Variants in AKAP13 observed in about 807,000 individuals in gnomAD.
AKAP13 encodes A-kinase anchoring protein 13, also known as A-kinase anchor protein 13.
AKAP13 carries 80 observed loss-of-function variants against 264.5 expected under a neutral mutation model. The observed-to-expected ratio is 0.30, with a 90% CI of 0.25 to 0.36. The LOEUF (loss-of-function observed/expected upper bound fraction) is 0.36, where lower values mean the gene tolerates loss of function less well. Among genes scored for constraint, AKAP13 ranks in the 10% least tolerant of loss-of-function variants. AKAP13 has a pLI of 1.00. For missense variants in AKAP13, 3,712 were observed against 3,435.2 expected (o/e 1.08, Z -2.01); for synonymous variants, 1,380 against 1,250.2 (o/e 1.10, Z -2.19).
At chr15:85,707,422 C>G (rs1214371974) in intron 17 of AKAP13, among the ~76,000 whole-genome samples, 1 of 152,170 alleles carries the variant, frequency 6.6e-6, no homozygotes, top group African/African-American at 2.4e-5. Flanking sequence ...TGTGGGGGTT[C>G]CAGTGACCTT....
intron 7 of AKAP13, among the ~76,000 whole-genome samples, chr15:85,584,009 T>G (rs1446896408): frequency 6.6e-6 from 1 of 152,192 alleles, no homozygotes; most frequent in African/African-American, 2.4e-5. Context: ...TAGCCAGTCA[T>G]GAAGAAATTG....
intron 8 of AKAP13, among the ~76,000 whole-genome samples, chr15:85,636,176 T>A (rs545284594): frequency 6.6e-6 from 1 of 152,242 alleles, no homozygotes; most frequent in Non-Finnish European, 1.5e-5. Context: ...TTGAGGCTTT[T>A]GTAAATGGTA....
At chr15:85,383,120 T>C (rs1265787420) in intron 1 of AKAP13, among the ~76,000 whole-genome samples, 2 of 152,082 alleles carry the variant, frequency 1.3e-5, no homozygotes, top group African/African-American at 2.4e-5. Flanking sequence ...CTCTAACTCC[T>C]GGACCCAAGC....
chr15:85,540,269 A>G (rs1370964581), intron 4 of AKAP13, among the ~76,000 whole-genome samples: 1 of 152,172 alleles, frequency 6.6e-6, no homozygotes, highest in Non-Finnish European at 1.5e-5. Context: ...GTGGAATGGA[A>G]TCCCTTCTCT....
chr15:85,496,129 A>G (rs535845104), intron 2 of AKAP13, among the ~76,000 whole-genome samples: 1 of 152,258 alleles, frequency 6.6e-6, no homozygotes, highest in South Asian at 2.1e-4. Flanking sequence ...TATTGTATCC[A>G]CTTTACAGCC....
chr15:85,727,510 G>A lies in AKAP13; in HGVS notation c.7087+47G>A. 1 of 1,596,540 alleles carries A rather than the reference G, an allele frequency of 6.3e-7. No homozygotes were observed. Among genetic ancestry groups the A allele is most frequent in the East Asian group, 2.3e-5 (1 of 44,334 alleles). The stretch of plus-strand genomic sequence containing the variant: ...GAGCCCCTTGTCTGGAATGTCTGCA[G>A]TTGCAGAAGACTGCTGGTGGATTTT... On this transcript the variant is annotated intron_variant, in intron 29 of 36. Coordinates refer to ENST00000394518, the MANE Select transcript of AKAP13 (RefSeq NM_007200.5). The surrounding 1 kb of genome is among the most constrained non-coding windows in gnomAD (Gnocchi z 5.3).
intron 1 of AKAP13, among the ~76,000 whole-genome samples, chr15:85,406,500 G>A (rs1020584086): frequency 2.7e-5 from 4 of 149,552 alleles, no homozygotes; most frequent in Non-Finnish European, 5.9e-5. Context: ...GGACACATAT[G>A]TGTCCAGCAA....
At chr15:85,530,262 T>C (rs1051220866) in intron 3 of AKAP13, among the ~76,000 whole-genome samples, 2 of 152,214 alleles carry the variant, frequency 1.3e-5, no homozygotes, top group Non-Finnish European at 2.9e-5. Context: ...ATTTTAGCAA[T>C]TCGGGACAAA....
At position 85,580,618 on chromosome 15, in the gene AKAP13, C is replaced by T. The variant is rs372102861; in HGVS notation, c.2550C>T (p.Ser850=). The change falls in exon 7 of 37, where the codon TCC becomes TCT. Residue 850 remains serine (S), a synonymous_variant. Coordinates refer to ENST00000394518, the MANE Select transcript of AKAP13 (RefSeq NM_007200.5). ...ACAGGGCAGTAGGCCTGTCCACATC[C>T]TCCACTGCTGCAGAGCTTCAGCACG... ...LEDRAVGLST[S]STAAELQHGM... 1.9e-6 allele frequency: 3 copies of T among 1,614,204 alleles called. No individual in the cohort carries two copies. The South Asian group carries it at 3.3e-5, about 18-fold the overall frequency.
intron 33 of AKAP13, 37 bp from the exon 34 acceptor site, chr15:85,740,185 C>G: frequency 1.2e-6 from 2 of 1,611,666 alleles, no homozygotes; most frequent in Non-Finnish European, 1.7e-6. Flanking sequence ...ATTCATAAAG[C>G]CCTGAAACGA....
intron 8 of AKAP13, among the ~76,000 whole-genome samples, chr15:85,605,787 TCTTCAAGCTTATCAA>T (rs1430130368): frequency 6.6e-6 from 1 of 152,222 alleles, no homozygotes; most frequent in Admixed American, 6.5e-5. Flanking sequence ...AAGCATTCAG[TCTTCAAGCTTATCAA>T]GTTGTGTACT....
At chr15:85,501,637 A>T (rs1200495955) in intron 2 of AKAP13, among the ~76,000 whole-genome samples, 2 of 152,196 alleles carry the variant, frequency 1.3e-5, no homozygotes, top group African/African-American at 4.8e-5. Context: ...TAATCATCTT[A>T]ATGATCTCAT....
intron 16 of AKAP13, among the ~76,000 whole-genome samples, chr15:85,687,636 G>C (rs547939956): frequency 6.6e-6 from 1 of 151,984 alleles, no homozygotes; most frequent in African/African-American, 2.4e-5. Flanking sequence ...CAAGTGTTTA[G>C]AGTGCCCTAG....
At chr15:85,744,009 CTCTGTGTGGCACG>C (rs2151793760) in intron 36 of AKAP13, 184 bp downstream of exon 36, 1 of 662,794 alleles carries the variant, frequency 1.5e-6, no homozygotes, top group Non-Finnish European at 2.5e-6. Flanking sequence ...TAAGAACCCA[CTCTGTGTGGCACG>C]TGTGCAGAAG....
rs527358727 is a variant in AKAP13 at position 85,385,843 on chromosome 15, C to T, written c.-12+5045C>T. The stretch of plus-strand genomic sequence containing the variant: ...AATGTCTTTTTTTGTTTGTTTGTTT[C>T]GAGATGGAGTTTGGCTCTGTCACCT... On this transcript the variant is annotated intron_variant, in intron 1 of 36. Transcript: ENST00000394518. Among the ~76,000 whole-genome samples the T allele has an allele frequency of 1.8e-3, 270 of 152,058 alleles. 1 individual carries two copies. Among genetic ancestry groups the T allele is most frequent in the Non-Finnish European group, 2.7e-3 (184 of 67,966 alleles).
chr15:85,673,013 T>G (rs2084007020), intron 14 of AKAP13, among the ~76,000 whole-genome samples: 1 of 152,252 alleles, frequency 6.6e-6, no homozygotes, highest in Non-Finnish European at 1.5e-5. Flanking sequence ...TTCCAGCTTT[T>G]ACCTGTGCTC....
chr15:85,619,068 C>G (rs558503419), intron 8 of AKAP13, among the ~76,000 whole-genome samples: 1 of 152,230 alleles, frequency 6.6e-6, no homozygotes, highest in South Asian at 2.1e-4. Flanking sequence ...TATAACACCC[C>G]CCTTCCTTTA....
At chr15:85,735,260 C>G (rs1300686075) in intron 31 of AKAP13, 110 bp downstream of exon 31, 5 of 1,412,752 alleles carry the variant, frequency 3.5e-6, no homozygotes, top group East Asian at 4.6e-5. Flanking sequence ...CAGCAAATTT[C>G]TTAGTGAGAT....
chr15:85,490,781 T>C (rs1191960933), intron 2 of AKAP13, among the ~76,000 whole-genome samples: 3 of 152,110 alleles, frequency 2.0e-5, no homozygotes, highest in African/African-American at 4.8e-5. Flanking sequence ...AAACAGAAGG[T>C]CCCTGCTCTC....
Sources: gnomAD v4.1 joint callset for allele counts (sites outside exome capture counted in the v4.1 genomes callset) on GRCh38, gnomAD v4.1.1 for gene constraint, Gnocchi (gnomAD v3.1) non-coding constraint, MANE v1.5 for transcripts, NCBI Gene and HGNC (gene_info 2026-07-23, HGNC 2026-07-21) for gene names.